Variants in FMN1 observed in about 807,000 individuals in gnomAD.
The protein encoded by FMN1 is formin 1.
FMN1 carries 110 observed loss-of-function variants against 132.4 expected under a neutral mutation model. The ratio of observed to expected loss-of-function variants is 0.83; its 90% CI spans 0.71 to 0.97. The LOEUF is 0.97. FMN1 is among the 50% of genes least tolerant of loss of function. FMN1 has a pLI of 0.00. For missense variants in FMN1, 1,792 were observed against 1,705.3 expected (o/e 1.05, Z -0.90); for synonymous variants, 722 against 651.7 (o/e 1.11, Z -1.64).
chr15:32,849,027 A>G (rs538743385), intron 17 of FMN1, among the ~76,000 whole-genome samples: 60 of 120,418 alleles, frequency 5.0e-4, no homozygotes, highest in Non-Finnish European at 8.2e-4. Context: ...TCTGTCACCC[A>G]TGCTGGAGTG....
intron 2 of FMN1, among the ~76,000 whole-genome samples, chr15:33,192,349 A>T (rs554048260): frequency 5.3e-5 from 8 of 152,292 alleles, no homozygotes; most frequent in Admixed American, 3.9e-4. Flanking sequence ...AGGGAGGATG[A>T]CCAGGATATG....
intron 7 of FMN1, among the ~76,000 whole-genome samples, chr15:32,994,329 A>C (rs964891907): frequency 6.6e-6 from 1 of 152,064 alleles, no homozygotes; most frequent in African/African-American, 2.4e-5. Flanking sequence ...AAGGTTGAAA[A>C]AATCCTACTC....
intron 2 of FMN1, among the ~76,000 whole-genome samples, chr15:33,193,660 C>G (rs181704588): frequency 6.6e-6 from 1 of 152,208 alleles, no homozygotes; most frequent in Admixed American, 6.5e-5. Flanking sequence ...TCAGCCCATT[C>G]GGAGTGTGTG....
At position 33,154,150 on chromosome 15, in the gene FMN1, C is replaced by T. The variant is rs752918566; in HGVS notation, c.765G>A (p.Thr255=). ...TTCCAAGCCCAGTGTCCTTGAAAGC[C>T]GTCTCAAAGCTCCCAAAGCCAAGGT... is the stretch of plus-strand genomic sequence containing the variant. ...DTDLGFGSFE[T]AFKDTGLGRE... Residue 255 remains threonine, a synonymous_variant, in exon 4 of 21, where the codon ACG becomes ACA. Transcript: ENST00000616417. 5.0e-5 allele frequency: 77 copies of T among 1,536,262 alleles called. No homozygotes were observed. In the African/African-American group the frequency reaches 5.8e-4, roughly 11 times the overall value.
intron 5 of FMN1, among the ~76,000 whole-genome samples, chr15:33,073,853 C>A (rs187340424): frequency 6.6e-6 from 1 of 152,040 alleles, no homozygotes; most frequent in Admixed American, 6.5e-5. Flanking sequence ...ACCTCAGCCT[C>A]CTGAGCACCT....
intron 7 of FMN1, among the ~76,000 whole-genome samples, chr15:32,975,857 C>A (rs543916817): frequency 6.6e-6 from 1 of 152,198 alleles, no homozygotes; most frequent in African/African-American, 2.4e-5. Context: ...GATGGTTCTC[C>A]CTTCCCCTAC....
At chr15:33,012,714 A>G (rs2034797990) in intron 6 of FMN1, 5 of 769,416 alleles carry the variant, frequency 6.5e-6, no homozygotes, top group Non-Finnish European at 1.2e-5. Flanking sequence ...GTAGTTCTGG[A>G]AACTTTCGTG....
intron 5 of FMN1, among the ~76,000 whole-genome samples, chr15:33,081,580 G>C (rs1048777285): frequency 6.6e-6 from 1 of 152,118 alleles, no homozygotes; most frequent in Non-Finnish European, 1.5e-5. Context: ...CCTTCTCACT[G>C]ATTATAGGAG....
chr15:33,081,506 A>G (rs1409766377), intron 5 of FMN1, among the ~76,000 whole-genome samples: 50 of 152,112 alleles, frequency 3.3e-4, no homozygotes, highest in Non-Finnish European at 1.5e-5. Flanking sequence ...TTTTTACTGG[A>G]TGAGTTCTGT....
rs1567449820 is a variant in FMN1 at position 32,950,054 on chromosome 15, C to CATATACACATAT, written c.3138+14052_3138+14053insATATGTGTATAT. Among the ~76,000 whole-genome samples the CATATACACATAT allele has an allele frequency of 5.3e-3, 26 of 4,922 alleles. 9 individuals carry two copies. The highest frequency in any genetic ancestry group is 0.017 in the Admixed American group (5 of 300). 3.2% of individuals were successfully genotyped at this position (4,922 alleles called of 152,430 possible). A position where few individuals can be genotyped will look rare whatever the true frequency, so the allele number is the denominator to read the frequency against. On this transcript the variant is annotated intron_variant, in intron 9 of 20. Transcript: ENST00000616417. The stretch of plus-strand genomic sequence containing the variant: ...ATATACACATATATATATATATACA[C>CATATACACATAT]ATATATATATATATATATATATATA...
intron 6 of FMN1, among the ~76,000 whole-genome samples, chr15:33,017,506 A>C (rs2035125870): frequency 6.6e-6 from 1 of 152,196 alleles, no homozygotes; most frequent in Non-Finnish European, 1.5e-5. Flanking sequence ...GAAGTGAATT[A>C]TCAGTGAGTC....
intron 19 of FMN1, 39 bp downstream of exon 19, chr15:32,798,765 C>T (rs2057377274): frequency 6.4e-7 from 1 of 1,563,220 alleles, no homozygotes; most frequent in Non-Finnish European, 8.7e-7. Context: ...GTTTCCTAGG[C>T]TCCTGAAGGA....
chr15:32,969,594 G>A (rs1895667672), intron 7 of FMN1, 117 bp from the exon 8 acceptor site: 1 of 1,140,932 alleles, frequency 8.8e-7, no homozygotes, highest in Non-Finnish European at 1.2e-6. Context: ...ATAAATGCAG[G>A]GAAATACAGA....
intron 16 of FMN1, among the ~76,000 whole-genome samples, chr15:32,867,561 T>C (rs1410852220): frequency 6.6e-6 from 1 of 150,670 alleles, no homozygotes; most frequent in Non-Finnish European, 1.5e-5. Context: ...TGGAGTGCAG[T>C]CGTGTGATCT....
At chr15:33,159,773 A>G (rs1964815146) in intron 3 of FMN1, among the ~76,000 whole-genome samples, 2 of 152,246 alleles carry the variant, frequency 1.3e-5, no homozygotes, top group African/African-American at 4.8e-5. Context: ...CAGCACAAAC[A>G]GAGGAAGATA....
intron 6 of FMN1, among the ~76,000 whole-genome samples, chr15:33,014,832 G>A (rs2034944562): frequency 6.6e-6 from 1 of 152,178 alleles, no homozygotes; most frequent in African/African-American, 2.4e-5. Context: ...AATTACAGAT[G>A]ATTCCACAAA....
intron 7 of FMN1, among the ~76,000 whole-genome samples, chr15:32,983,835 G>C (rs2032872005): frequency 6.6e-6 from 1 of 152,172 alleles, no homozygotes; most frequent in Non-Finnish European, 1.5e-5. Context: ...CCATCTTTTA[G>C]AGGTTTCTCT....
chr15:32,876,695 A>G (rs1200352026), intron 16 of FMN1, among the ~76,000 whole-genome samples: 3 of 152,234 alleles, frequency 2.0e-5, no homozygotes, highest in African/African-American at 7.2e-5. Context: ...AAATATCTAG[A>G]AAGATTCTAT....
In FMN1 at chr15:33,153,100, CT is replaced by C; in HGVS notation, c.1814del (p.Lys605ArgfsTer82). On this transcript the variant is annotated frameshift_variant, in exon 4 of 21. Coordinates refer to ENST00000616417, the MANE Select transcript of FMN1 (RefSeq NM_001277313.2). LOFTEE classifies it high-confidence loss of function. Reference protein sequence around the residue: ...PRLVPGETLEKSLGPGKTTAE... With the variant: ...PRLVPGETLEXSLGPGKTTAE... ...CTGTGGTCTTCCCTGGCCCCAAGCT[CT>C]TTTCCAAAGTTTCCCCAGGCACCAA... 1.3e-6 allele frequency: 2 copies of C among 1,535,926 alleles called. No individual in the cohort carries two copies. The highest frequency in any genetic ancestry group is 1.7e-6 in the Non-Finnish European group (2 of 1,146,844).
Sources: allele counts gnomAD v4.1 joint callset (sites outside exome capture counted in the v4.1 genomes callset), GRCh38; gene constraint gnomAD v4.1.1; transcripts MANE v1.5; gene names NCBI Gene and HGNC (gene_info 2026-07-23, HGNC 2026-07-21).